TG: variants seen among roughly 807,000 people sequenced by gnomAD.
TG encodes thyroid hormones.
Under a neutral mutation model 324.7 loss-of-function variants are expected in TG, and 270 were observed. That is an observed-to-expected ratio of 0.83 (90% confidence interval 0.75 to 0.92). The LOEUF (loss-of-function observed/expected upper bound fraction) is 0.92, where lower values mean the gene tolerates loss of function less well. TG is among the 40% of genes least tolerant of loss of function. The probability of loss-of-function intolerance (pLI) is 0.00; values close to 1 mark genes in which losing one functional copy is unlikely to be tolerated. For missense variants in TG, 3,591 were observed against 3,456.4 expected, an observed-to-expected ratio of 1.04 and a Z score of -0.98; for synonymous variants, 1,401 against 1,327.0, an observed-to-expected ratio of 1.06 and a Z score of -1.21.
chr8:133,039,067 C>T (rs1405309927), intron 41 of TG, among the ~76,000 whole-genome samples: 9 of 152,032 alleles, frequency 5.9e-5, no homozygotes, highest in African/African-American at 2.2e-4. Flanking sequence ...TGAGTAGAGA[C>T]AGGGTTTCAC....
intron 27 of TG, 48 bp downstream of exon 27, chr8:132,948,991 C>G: frequency 6.4e-7 from 1 of 1,567,670 alleles, no homozygotes; most frequent in Non-Finnish European, 8.7e-7. Flanking sequence ...ACTCTTCACA[C>G]GAGCAAGGCC....
intron 15 of TG, 52 bp downstream of exon 15, chr8:132,900,391 G>T: frequency 6.5e-7 from 1 of 1,529,680 alleles, no homozygotes; most frequent in South Asian, 1.2e-5. Context: ...GTGGGGCACT[G>T]AGCGTGGAGT....
At chr8:133,059,213 A>T (rs1842005683) in intron 41 of TG, 1 of 448,104 alleles carries the variant, frequency 2.2e-6, no homozygotes, top group Non-Finnish European at 4.5e-6. Flanking sequence ...ATGGGACACC[A>T]GGCCCCAAAT....
chr8:132,901,241 C>T, intron 15 of TG, 112 bp from the exon 16 acceptor site: 1 of 1,284,904 alleles, frequency 7.8e-7, no homozygotes, highest in Non-Finnish European at 1.1e-6. Context: ...CCCTGGAAGG[C>T]CCTGCAGGCA....
chr8:132,975,417 A>G (rs1451047863), intron 34 of TG, among the ~76,000 whole-genome samples: 1 of 152,178 alleles, frequency 6.6e-6, no homozygotes, highest in Non-Finnish European at 1.5e-5. Context: ...CATTGTCCCA[A>G]CTCATTCCAT....
rs1159392694 is a variant in TG at position 132,906,712 on chromosome 8, A to G, written c.3659A>G (p.Asn1220Ser). Residue 1220 changes from asparagine to serine, a missense_variant, in exon 17 of 48, where the codon AAC (asparagine) becomes AGC (serine). By Grantham distance (46) the Asn-to-Ser change is conservative. Transcript: ENST00000220616. The part of the protein sequence containing the change: ...CESPRCPLPF[N>S]ASEVVGGTIL... The stretch of plus-strand genomic sequence containing the variant: ...GGCCCGCGGTGTCCGCTGCCATTCA[A>G]CGCGTCGGAGGTGGTTGGTGGAACA... The G allele has an allele frequency of 6.2e-7, 1 of 1,614,146 alleles. No homozygotes were observed. The highest frequency in any genetic ancestry group is 8.5e-7 in the Non-Finnish European group (1 of 1,180,040).
intron 41 of TG, chr8:133,045,207 C>CAA: frequency 7.4e-7 from 1 of 1,358,412 alleles, no homozygotes; most frequent in Admixed American, 1.9e-5. Context: ...GGCAGGGAGA[C>CAA]CTGCCCACCC....
intron 45 of TG, among the ~76,000 whole-genome samples, chr8:133,129,789 G>A (rs564958411): frequency 4.6e-5 from 7 of 152,234 alleles, no homozygotes; most frequent in South Asian, 4.1e-4. Flanking sequence ...GAGCCATCAC[G>A]CCCAGCTGAT....
intron 41 of TG, chr8:133,037,220 C>T (rs970119171): frequency 5.3e-5 from 8 of 152,218 alleles, no homozygotes; most frequent in African/African-American, 1.9e-4. Context: ...GCAGCCCACT[C>T]TCTTCCTAGT....
chr8:132,874,264 T>G (rs1331219237), intron 5 of TG, among the ~76,000 whole-genome samples: 3 of 152,218 alleles, frequency 2.0e-5, no homozygotes, highest in Admixed American at 6.5e-5. Context: ...AGCATGGATA[T>G]CATTATATTT....
chr8:132,986,307 A>G (rs1052889674), intron 35 of TG, among the ~76,000 whole-genome samples: 1 of 151,418 alleles, frequency 6.6e-6, no homozygotes, highest in Non-Finnish European at 1.5e-5. Flanking sequence ...TGCATTGTAT[A>G]TATATATGTG....
chr8:133,098,992 C>G (rs1307984571), intron 43 of TG, among the ~76,000 whole-genome samples: 2 of 152,234 alleles, frequency 1.3e-5, no homozygotes, highest in African/African-American at 4.8e-5. Context: ...GGGATCTCTA[C>G]TCAAGGATGC....
In TG at chr8:132,948,962, T is replaced by C. The variant is rs1825729250; in HGVS notation, c.5401+19T>C. On this transcript the variant is annotated intron_variant, in intron 27 of 47. Coordinates refer to ENST00000220616, the MANE Select transcript of TG (RefSeq NM_003235.5). ...ATCAAGAGTAAGTCTTTGCCATTTG[T>C]CCATATTCTTTCAAAATTACTCTTC... 1 of 1,610,964 alleles carries C rather than the reference T, an allele frequency of 6.2e-7. No homozygotes were observed. Among genetic ancestry groups the C allele is most frequent in the Non-Finnish European group, 8.5e-7 (1 of 1,179,562 alleles).
intron 44 of TG, among the ~76,000 whole-genome samples, chr8:133,116,106 C>T (rs1254050963): frequency 1.3e-5 from 2 of 152,034 alleles, no homozygotes; most frequent in Admixed American, 1.3e-4. Context: ...GATGGGGTGG[C>T]AAAATCTCGC....
intron 34 of TG, among the ~76,000 whole-genome samples, chr8:132,980,542 GT>G (rs1385413726): frequency 1.1e-4 from 17 of 152,186 alleles, no homozygotes; most frequent in Admixed American, 1.0e-3. Flanking sequence ...ATAGATAGTG[GT>G]TTCCCTGAGT....
In TG at chr8:132,900,337, A is replaced by C. The variant is rs1380172137; in HGVS notation, c.3431A>C (p.Gln1144Pro). The change falls in exon 15 of 48, where the codon CAG (glutamine) becomes CCG (proline). Residue 1144 changes from glutamine (Q) to proline (P), a missense_variant and splice_region_variant. By Grantham distance (76) the Gln-to-Pro change is moderately conservative (BLOSUM62 -1). Transcript: ENST00000220616. The part of the protein sequence containing the change: ...ELRPGSSSSA[Q>P]CPSLCNVLKS... ...CGGCCTGGCTCGAGCAGCAGTGCCC[A>C]GTGTGAGTAGCAGCCCCTCCTGGCA... The C allele has an allele frequency of 9.3e-6, 15 of 1,610,894 alleles. No homozygotes were observed. Among genetic ancestry groups the C allele is most frequent in the Non-Finnish European group, 1.3e-5 (15 of 1,179,022 alleles).
intron 38 of TG, among the ~76,000 whole-genome samples, chr8:133,019,071 G>A (rs1309839244): frequency 6.6e-6 from 1 of 152,234 alleles, no homozygotes. Flanking sequence ...TTGAGAGCTT[G>A]GGTCATTGTA....
chr8:132,955,827 G>A (rs533133096), intron 27 of TG, among the ~76,000 whole-genome samples: 76 of 152,296 alleles, frequency 5.0e-4, no homozygotes, highest in African/African-American at 1.7e-3. Flanking sequence ...CAGATGCAGC[G>A]CATGATCTCC....
Position 132,886,703 on chromosome 8 carries a change from T to C in TG, c.1331T>C (p.Ile444Thr), listed in dbSNP as rs1253544839. Reference protein sequence around the residue: ...SVSENLLKEAIRAIFPSRGLA... With the variant: ...SVSENLLKEATRAIFPSRGLA... ...TCAGAAAATCTTCTCAAAGAAGCCA[T>C]CCGAGCAATTTTTCCCTCCCGAGGG... The change falls in exon 9 of 48, where the codon ATC becomes ACC. Residue 444 changes from isoleucine (I) to threonine (T), a missense_variant. By Grantham distance (89) the Ile-to-Thr change is moderately conservative (BLOSUM62 -1). Coordinates refer to ENST00000220616, the MANE Select transcript of TG (RefSeq NM_003235.5). 6 of 1,614,072 alleles carry C rather than the reference T, an allele frequency of 3.7e-6. No individual in the cohort carries two copies. In the East Asian group the frequency reaches 1.3e-4, roughly 36 times the overall value.
Sources: allele counts gnomAD v4.1 joint callset (sites outside exome capture counted in the v4.1 genomes callset), GRCh38; gene constraint gnomAD v4.1.1; transcripts MANE v1.5; gene names NCBI Gene and HGNC (gene_info 2026-07-23, HGNC 2026-07-21).